DNAJC15: variants seen among roughly 807,000 people sequenced by gnomAD.
The protein encoded by DNAJC15 is dnaJ homolog subfamily C member 15.
DNAJC15 carries 27 observed loss-of-function variants against 22.4 expected under a neutral mutation model. That is an observed-to-expected ratio of 1.20 (90% CI 0.89 to 1.66). The LOEUF is 1.66. DNAJC15 is among the 40% of genes most tolerant of loss of function. The probability of loss-of-function intolerance (pLI) is 0.00; values close to 1 mark genes in which losing one functional copy is unlikely to be tolerated. For synonymous variants in DNAJC15, 79 were observed against 63.2 expected (o/e 1.25, Z -1.19); for missense variants, 208 against 187.1 (o/e 1.11, Z -0.65).
chr13:43,055,763 G>A (rs1158569330), intron 1 of DNAJC15, among the ~76,000 whole-genome samples: 1 of 151,966 alleles, frequency 6.6e-6, no homozygotes, highest in Non-Finnish European at 1.5e-5. Flanking sequence ...CTATTCTCTT[G>A]CTGGGTTTGG....
At chr13:43,045,680 C>T (rs992136712) in intron 1 of DNAJC15, among the ~76,000 whole-genome samples, 1 of 152,150 alleles carries the variant, frequency 6.6e-6, no homozygotes, top group African/African-American at 2.4e-5. Flanking sequence ...GGTTTTGGGC[C>T]TGGGGCCAGG....
At chr13:43,036,574 C>T (rs1313654157) in intron 1 of DNAJC15, among the ~76,000 whole-genome samples, 2 of 152,248 alleles carry the variant, frequency 1.3e-5, no homozygotes, top group Non-Finnish European at 1.5e-5. Context: ...CAGCCTGGCC[C>T]CTAGGCTTCA....
At chr13:43,094,806 A>G (rs1427180341) in intron 5 of DNAJC15, among the ~76,000 whole-genome samples, 1 of 152,172 alleles carries the variant, frequency 6.6e-6, no homozygotes, top group Non-Finnish European at 1.5e-5. Context: ...TGCCCCCAGC[A>G]GCAGCCTTCT....
chr13:43,066,884 G>A (rs2040586796), intron 2 of DNAJC15, among the ~76,000 whole-genome samples: 1 of 152,168 alleles, frequency 6.6e-6, no homozygotes, highest in Admixed American at 6.5e-5. Flanking sequence ...CTCCTAAAGG[G>A]CTGGGATTAC....
intron 1 of DNAJC15, among the ~76,000 whole-genome samples, chr13:43,062,599 C>A (rs2040564116): frequency 6.6e-6 from 1 of 152,138 alleles, no homozygotes; most frequent in African/African-American, 2.4e-5. Context: ...ATATACAAAA[C>A]TTGAAATAAA....
intron 1 of DNAJC15, among the ~76,000 whole-genome samples, chr13:43,050,719 A>T (rs1032260533): frequency 6.6e-6 from 1 of 152,104 alleles, no homozygotes; most frequent in Admixed American, 6.5e-5. Flanking sequence ...AAATACAAAG[A>T]GAGGTAATTT....
intron 1 of DNAJC15, among the ~76,000 whole-genome samples, chr13:43,027,726 G>A (rs1022158254): frequency 3.3e-5 from 5 of 151,404 alleles, no homozygotes; most frequent in East Asian, 1.9e-4. Flanking sequence ...GCGGGATCTC[G>A]GCTCACTGCA....
intron 1 of DNAJC15, among the ~76,000 whole-genome samples, chr13:43,032,982 G>A (rs769042150): frequency 5.9e-5 from 9 of 152,208 alleles, no homozygotes; most frequent in Non-Finnish European, 1.2e-4. Flanking sequence ...GACAGAGTGG[G>A]AGCCACCACT....
At chr13:43,073,588 T>C (rs1466408745) in intron 3 of DNAJC15, among the ~76,000 whole-genome samples, 1 of 152,216 alleles carries the variant, frequency 6.6e-6, no homozygotes, top group Non-Finnish European at 1.5e-5. Flanking sequence ...TTTATTGTTG[T>C]TGACTCTGAA....
chr13:43,063,474 G>C (rs535940447), intron 1 of DNAJC15, among the ~76,000 whole-genome samples: 15 of 152,262 alleles, frequency 9.9e-5, no homozygotes, highest in African/African-American at 3.4e-4. Context: ...TACAAAACAA[G>C]TTCCACAAAG....
At chr13:43,066,205 G>A (rs186382592) in intron 2 of DNAJC15, among the ~76,000 whole-genome samples, 25 of 152,116 alleles carry the variant, frequency 1.6e-4, no homozygotes, top group Admixed American at 7.9e-4. Context: ...AAACCCTGGG[G>A]AATTTTTTTC....
chr13:43,067,431 C>T (rs934715902), intron 2 of DNAJC15, among the ~76,000 whole-genome samples: 6 of 152,022 alleles, frequency 3.9e-5, no homozygotes, highest in Admixed American at 6.6e-5. Context: ...GACAAACTTG[C>T]CCCTAAACAT....
At chr13:43,045,614 T>G (rs544079266) in intron 1 of DNAJC15, among the ~76,000 whole-genome samples, 15 of 152,278 alleles carry the variant, frequency 9.9e-5, no homozygotes, top group African/African-American at 3.6e-4. Flanking sequence ...AACATCGGGT[T>G]CTAAGTCATG....
At chr13:43,079,150 AAATT>A (rs2153441368) in intron 4 of DNAJC15, among the ~76,000 whole-genome samples, 1 of 152,292 alleles carries the variant, frequency 6.6e-6, no homozygotes, top group East Asian at 1.9e-4. Context: ...ATATGAGAGA[AAATT>A]AATGATATTA....
intron 1 of DNAJC15, among the ~76,000 whole-genome samples, chr13:43,028,131 T>C (rs537723421): frequency 3.3e-5 from 5 of 152,224 alleles, no homozygotes; most frequent in Non-Finnish European, 7.3e-5. Flanking sequence ...TATTCTTGAA[T>C]GGGAAGAAAT....
chr13:43,056,144 T>TG (rs2040530044), intron 1 of DNAJC15, among the ~76,000 whole-genome samples: 1 of 151,832 alleles, frequency 6.6e-6, no homozygotes, highest in Admixed American at 6.6e-5. Flanking sequence ...TATTGAGACT[T>TG]GTTTTTTAAT....
In DNAJC15 at chr13:43,068,936, A is replaced by G. The variant is rs758906339; in HGVS notation, c.167A>G (p.Tyr56Cys). The change falls in exon 3 of 6, where the codon TAC (tyrosine) becomes TGC (cysteine). Residue 56 changes from tyrosine to cysteine, a missense_variant. Physicochemically the swap from Tyr to Cys is radical, Grantham distance 194 (BLOSUM62 -2). Coordinates refer to ENST00000379221, the MANE Select transcript of DNAJC15 (RefSeq NM_013238.3). Reference protein sequence around the residue: ...GVAALAFAGRYAFRIWKPLEQ... With the variant: ...GVAALAFAGRCAFRIWKPLEQ... ...TATTCCCTTTACTATTTAGGTCGCT[A>G]CGCATTTCGGATCTGGAAACCTCTA... 13 of 1,612,562 alleles carry G rather than the reference A, an allele frequency of 8.1e-6. No homozygotes were observed. Among genetic ancestry groups the G allele is most frequent in the East Asian group, 4.5e-5 (2 of 44,756 alleles).
In DNAJC15 at chr13:43,050,310, T is replaced by A. The variant is rs867932917; in HGVS notation, c.109-15376T>A. On this transcript the variant is annotated intron_variant, in intron 1 of 5. Coordinates refer to ENST00000379221, the MANE Select transcript of DNAJC15 (RefSeq NM_013238.3). Reference sequence around the variant, plus strand: ...TTCTTTCCTTTAAAATTTTAAAAAATTTTTTAGTTTTTTTGAGACAGGGTC... The same window carrying A: ...TTCTTTCCTTTAAAATTTTAAAAAAATTTTTAGTTTTTTTGAGACAGGGTC... 3.9e-4 allele frequency among the ~76,000 whole-genome samples: 59 copies of A among 152,244 alleles called. 1 individual carries two copies. Among genetic ancestry groups the A allele is most frequent in the Middle Eastern group, 3.4e-3 (1 of 294 alleles).
chr13:43,110,605 A>G lies in DNAJC15; in HGVS notation c.*3357A>G, dbSNP rs1438868024. 1 of 151,766 alleles carries G rather than the reference A, an allele frequency of 6.6e-6. No homozygotes were observed. The highest frequency in any genetic ancestry group is 2.4e-5 in the African/African-American group (1 of 41,270). The allele number at this position is 151,766 out of a possible 1,614,324, so 9.4% of individuals were successfully genotyped here. ...TTTTCTGCTGTTACCCTTGTACCTA[A>G]AGATGCCATCCTAATCCCCAGATCT... On this transcript the variant is annotated 3_prime_UTR_variant, in exon 6 of 6. Coordinates refer to ENST00000379221, the MANE Select transcript of DNAJC15 (RefSeq NM_013238.3).
Sources: allele counts gnomAD v4.1 joint callset (sites outside exome capture counted in the v4.1 genomes callset), GRCh38; gene constraint gnomAD v4.1.1; transcripts MANE v1.5; gene names NCBI Gene and HGNC (gene_info 2026-07-23, HGNC 2026-07-21).